Variants in TAF8 observed in about 807,000 individuals in gnomAD.
TAF8 encodes the protein transcription initiation factor TFIID subunit 8.
A neutral mutation model predicts 36.5 loss-of-function variants in TAF8; 47 were observed. The observed-to-expected ratio is 1.29, with a 90% CI of 1.02 to 1.64. The LOEUF is 1.64. TAF8 is among the 40% of genes most tolerant of loss of function. The pLI is 0.00. For synonymous variants in TAF8, 175 were observed against 159.5 expected (o/e 1.10, Z -0.73); for missense variants, 420 against 407.6 (o/e 1.03, Z -0.26).
chr6:42,051,245 G>C (rs1056654511), intron 1 of TAF8, 112 bp from the exon 2 acceptor site: 1 of 1,353,220 alleles, frequency 7.4e-7, no homozygotes, highest in Non-Finnish European at 1.0e-6. Context: ...ATTAAGCACT[G>C]ATTTTTAAAA....
chr6:42,069,686 T>C (rs1765492539), intron 7 of TAF8, among the ~76,000 whole-genome samples: 1 of 152,028 alleles, frequency 6.6e-6, no homozygotes, highest in South Asian at 2.1e-4. Flanking sequence ...GAATTGGATA[T>C]ATAATTGGAG....
At chr6:42,062,924 T>C (rs554817432) in intron 5 of TAF8, among the ~76,000 whole-genome samples, 19 of 152,276 alleles carry the variant, frequency 1.2e-4, no homozygotes, top group African/African-American at 4.1e-4. Context: ...CAAGTTCACA[T>C]GGCATTCTCT....
At chr6:42,051,305 T>C in intron 1 of TAF8, 52 bp from the exon 2 acceptor site, 1 of 1,567,566 alleles carries the variant, frequency 6.4e-7, no homozygotes, top group Non-Finnish European at 8.7e-7. Context: ...ACGTATGAAC[T>C]ATGTGATTGC....
At chr6:42,052,565 A>G (rs1298952820) in intron 2 of TAF8, among the ~76,000 whole-genome samples, 1 of 152,070 alleles carries the variant, frequency 6.6e-6, no homozygotes, top group Non-Finnish European at 1.5e-5. Context: ...CAGGTGATCC[A>G]CCCACCTTGG....
chr6:42,060,390 A>C (rs1378647360), intron 5 of TAF8, among the ~76,000 whole-genome samples: 2 of 152,244 alleles, frequency 1.3e-5, no homozygotes, highest in Non-Finnish European at 2.9e-5. Context: ...GATTATTTGC[A>C]TAAAGTGCAG....
chr6:42,052,826 T>TG (rs1415026733), intron 2 of TAF8, among the ~76,000 whole-genome samples: 1 of 152,068 alleles, frequency 6.6e-6, no homozygotes, highest in Non-Finnish European at 1.5e-5. Context: ...GAGGGAGATG[T>TG]GGGGTGCAAT....
intron 6 of TAF8, 150 bp from the exon 7 acceptor site, chr6:42,068,315 A>G (rs1295096912): frequency 2.5e-6 from 2 of 792,492 alleles, no homozygotes; most frequent in South Asian, 1.6e-5. Context: ...CCCGTAGAAC[A>G]TTGCCTGGCC....
At chr6:42,076,490 T>C (rs1258034926) in intron 7 of TAF8, among the ~76,000 whole-genome samples, 1 of 152,196 alleles carries the variant, frequency 6.6e-6, no homozygotes, top group Non-Finnish European at 1.5e-5. Context: ...AGGTTGCAGA[T>C]AGGCATTACC....
intron 5 of TAF8, among the ~76,000 whole-genome samples, chr6:42,064,265 G>C (rs1023272164): frequency 6.6e-6 from 1 of 151,066 alleles, no homozygotes; most frequent in Non-Finnish European, 1.5e-5. Flanking sequence ...GTTTTTTTGT[G>C]GGGGGTGGAC....
chr6:42,056,130 C>A, intron 4 of TAF8, 116 bp downstream of exon 4: 1 of 721,012 alleles, frequency 1.4e-6, no homozygotes, highest in Non-Finnish European at 2.5e-6. Context: ...GGGCTCTCTT[C>A]CAATGTTTGG....
chr6:42,085,787 C>A (rs1414782729), downstream of TAF8, among the ~76,000 whole-genome samples: 1 of 152,166 alleles, frequency 6.6e-6, no homozygotes, highest in Non-Finnish European at 1.5e-5. Flanking sequence ...GAGTTCAAGA[C>A]CAGCCTGGCC....
At chr6:42,058,287 G>A (rs562901003) in intron 5 of TAF8, among the ~76,000 whole-genome samples, 74 of 152,320 alleles carry the variant, frequency 4.9e-4, no homozygotes, top group Non-Finnish European at 9.3e-4. Flanking sequence ...AGGAGGCTGA[G>A]GCAGGAGAAT....
intron 7 of TAF8, among the ~76,000 whole-genome samples, chr6:42,072,056 G>A (rs1291556055): frequency 1.3e-5 from 2 of 152,194 alleles, no homozygotes; most frequent in East Asian, 3.9e-4. Context: ...CCACATGTGT[G>A]ACCGTGATTG....
At position 42,079,110 on chromosome 6, in the gene TAF8, A is replaced by G. The variant is rs184911490; in HGVS notation, c.*1565A>G. 342 of 954,084 alleles carry G rather than the reference A, an allele frequency of 3.6e-4. 1 individual carries two copies. The African/African-American group carries it at 5.8e-3, about 16-fold the overall frequency. The allele number at this position is 954,084 out of a possible 1,614,324, so 59.1% of individuals were successfully genotyped here. A position where few individuals can be genotyped will look rare whatever the true frequency, so the allele number is the denominator to read the frequency against. On this transcript the variant is annotated 3_prime_UTR_variant, in exon 9 of 9. Transcript: ENST00000372977. ...GCACTCCAGCCTGGGTGACAGAGCGAGACTCCATTTCAAAAAAATAAAAAA... is the reference window on the plus strand; with the variant it reads ...GCACTCCAGCCTGGGTGACAGAGCGGGACTCCATTTCAAAAAAATAAAAAA...
chr6:42,084,953 C>A (rs9471754), downstream of TAF8, among the ~76,000 whole-genome samples: 1 of 151,938 alleles, frequency 6.6e-6, no homozygotes, highest in Non-Finnish European at 1.5e-5. Context: ...TGAGTTGGGG[C>A]GTATTGCCTC....
chr6:42,054,253 G>A (rs1764900328), intron 2 of TAF8, among the ~76,000 whole-genome samples: 2 of 152,130 alleles, frequency 1.3e-5, no homozygotes, highest in African/African-American at 4.8e-5. Context: ...CTCTTAAATA[G>A]AGGTTCAGCT....
At position 42,056,754 on chromosome 6, in the gene TAF8, C is replaced by T. The variant is rs141602440; in HGVS notation, c.365-635C>T. Among the ~76,000 whole-genome samples, 291 of 152,150 alleles carry T rather than the reference C, an allele frequency of 1.9e-3. 2 individuals are homozygous for T. The highest frequency in any genetic ancestry group is 6.5e-3 in the African/African-American group (269 of 41,518). ...CCAAGTAGCTGGGATTACAGGCGCT[C>T]GCCACCACACCCAGCTAACTTTTAT... On this transcript the variant is annotated intron_variant, in intron 4 of 8. Coordinates refer to ENST00000372977, the MANE Select transcript of TAF8 (RefSeq NM_138572.3).
chr6:42,085,037 T>C (rs948419905), downstream of TAF8, among the ~76,000 whole-genome samples: 5 of 152,230 alleles, frequency 3.3e-5, no homozygotes, highest in Non-Finnish European at 7.3e-5. Context: ...CCTTGAAATA[T>C]GCAACCAGTG....
intron 5 of TAF8, among the ~76,000 whole-genome samples, chr6:42,061,717 C>A (rs1049809332): frequency 6.6e-6 from 1 of 152,132 alleles, no homozygotes; most frequent in African/African-American, 2.4e-5. Flanking sequence ...AAGCCAAACA[C>A]CATTTCATAT....
Sources: allele counts gnomAD v4.1 joint callset (sites outside exome capture counted in the v4.1 genomes callset), GRCh38; gene constraint gnomAD v4.1.1; transcripts MANE v1.5; gene names NCBI Gene and HGNC (gene_info 2026-07-23, HGNC 2026-07-21).